Variants in LAMA2 observed in about 807,000 individuals in gnomAD.
LAMA2 encodes the protein laminin subunit alpha-2.
In LAMA2, 269 loss-of-function variants were observed where a neutral mutation model predicts 364.8. That is an observed-to-expected ratio of 0.74 (90% confidence interval 0.67 to 0.82). The LOEUF is 0.82. LAMA2 is among the 40% of genes least tolerant of loss of function. The pLI is 0.00. For missense variants in LAMA2, 3,807 were observed against 3,873.2 expected (o/e 0.98, Z 0.45); for synonymous variants, 1,379 against 1,370.6 (o/e 1.01, Z -0.14).
chr6:128,920,890 C>T (rs1778667105), intron 1 of LAMA2, among the ~76,000 whole-genome samples: 1 of 151,912 alleles, frequency 6.6e-6, no homozygotes, highest in African/African-American at 2.4e-5. Context: ...AAAGAGAGAC[C>T]AGAAAAGGGC....
chr6:128,926,981 T>C (rs904456397), intron 1 of LAMA2, among the ~76,000 whole-genome samples: 2 of 152,210 alleles, frequency 1.3e-5, no homozygotes, highest in African/African-American at 4.8e-5. Flanking sequence ...TCCTCTAAGG[T>C]ATAGTTTTGG....
intron 38 of LAMA2, among the ~76,000 whole-genome samples, chr6:129,401,986 C>T (rs4897311): frequency 0.51 from 76,970 of 151,842 alleles, 19,982 homozygotes; most frequent in African/African-American, 0.62. Flanking sequence ...GGTGGGCAGA[C>T]TGCCTGAGCT....
intron 41 of LAMA2, among the ~76,000 whole-genome samples, chr6:129,437,253 T>A (rs1781877365): frequency 6.6e-6 from 1 of 152,104 alleles, no homozygotes; most frequent in African/African-American, 2.4e-5. Flanking sequence ...TTACTCAACT[T>A]CTCTAAGTCT....
intron 37 of LAMA2, among the ~76,000 whole-genome samples, chr6:129,395,088 G>T (rs1453785452): frequency 6.6e-6 from 1 of 151,616 alleles, no homozygotes; most frequent in Non-Finnish European, 1.5e-5. Context: ...AAGCCAACAG[G>T]TTTCATGGGC....
At chr6:129,499,978 A>C (rs951529661) in intron 58 of LAMA2, among the ~76,000 whole-genome samples, 1 of 151,992 alleles carries the variant, frequency 6.6e-6, no homozygotes, top group African/African-American at 2.4e-5. Flanking sequence ...CTGGTCTCAA[A>C]CTACTAGCCT....
rs1246885517 is a variant in LAMA2 at position 129,355,104 on chromosome 6, GA to G, written c.4717+1754del. ...TAAAAGAATAGCAGTTTTTATTCCAGAAAAAAATATTAAATTATAGGATTGT... is the reference window on the plus strand; with the variant it reads ...TAAAAGAATAGCAGTTTTTATTCCAGAAAAAATATTAAATTATAGGATTGT... On this transcript the variant is annotated intron_variant, in intron 32 of 64. Transcript: ENST00000421865. 2.6e-5 allele frequency among the ~76,000 whole-genome samples: 4 copies of G among 152,006 alleles called. No homozygotes were observed. In the South Asian group the frequency reaches 6.2e-4, roughly 24 times the overall value.
chr6:129,314,599 G>A, intron 23 of LAMA2, 56 bp from the exon 24 acceptor site: 1 of 1,563,548 alleles, frequency 6.4e-7, no homozygotes, highest in Non-Finnish European at 8.8e-7. Context: ...TTCTCAGGGT[G>A]ATTTCTCCCC....
chr6:129,011,964 G>C (rs1194284082), intron 1 of LAMA2, among the ~76,000 whole-genome samples: 1 of 152,076 alleles, frequency 6.6e-6, no homozygotes, highest in African/African-American at 2.4e-5. Flanking sequence ...TAAAGAAAAT[G>C]TATTAAAAGA....
chr6:129,304,784 C>A (rs566780240), intron 22 of LAMA2, among the ~76,000 whole-genome samples: 1 of 152,056 alleles, frequency 6.6e-6, no homozygotes, highest in Non-Finnish European at 1.5e-5. Flanking sequence ...TTCAAGGTAT[C>A]GTTACTGTTA....
chr6:129,190,634 G>A (rs1781471506), intron 11 of LAMA2, among the ~76,000 whole-genome samples: 1 of 152,082 alleles, frequency 6.6e-6, no homozygotes, highest in Admixed American at 6.6e-5. Flanking sequence ...AACTCCAAGG[G>A]TGCATGATTT....
Position 129,287,849 on chromosome 6 carries a change from G to T in LAMA2, c.2540G>T (p.Cys847Phe). ...ACTGATGAAATTTCTTGCCTTAGGTGTGCAGAAGGCTATTTTGGACAACCC... is the reference window on the plus strand; with the variant it reads ...ACTGATGAAATTTCTTGCCTTAGGTTTGCAGAAGGCTATTTTGGACAACCC... ...VGYTGPRCER[C>F]AEGYFGQPSV... is the part of the protein sequence containing the mutation. Residue 847 changes from cysteine (C) to phenylalanine (F), a missense_variant and splice_region_variant, in exon 19 of 65, where the codon TGT (cysteine) becomes TTT (phenylalanine). By Grantham distance (205) the Cys-to-Phe change is radical. Coordinates refer to ENST00000421865, the MANE Select transcript of LAMA2 (RefSeq NM_000426.4). The T allele has an allele frequency of 6.2e-7, 1 of 1,613,608 alleles. No individual in the cohort carries two copies. Among genetic ancestry groups the T allele is most frequent in the African/African-American group, 1.3e-5 (1 of 74,996 alleles).
chr6:129,512,263 C>T, intron 62 of LAMA2, 100 bp from the exon 63 acceptor site: 1 of 1,154,400 alleles, frequency 8.7e-7, no homozygotes, highest in East Asian at 2.5e-5. Flanking sequence ...AATTAGCTAG[C>T]ATTTGAATTG....
chr6:129,207,318 AT>A (rs1782743233), intron 12 of LAMA2, among the ~76,000 whole-genome samples: 1 of 149,982 alleles, frequency 6.7e-6, no homozygotes, highest in Non-Finnish European at 1.5e-5. Flanking sequence ...CTTTTTGTTT[AT>A]TGTTTACAAT....
intron 49 of LAMA2, among the ~76,000 whole-genome samples, chr6:129,462,138 TTTTTAGAAAAGAACAAGTG>T (rs1371855832): frequency 6.6e-6 from 1 of 151,948 alleles, no homozygotes; most frequent in Non-Finnish European, 1.5e-5. Flanking sequence ...AGCCGGAGTG[TTTTTAGAAAAGAACAAGTG>T]TGAATTCACT....
chr6:129,340,887 T>C (rs1776232901), intron 29 of LAMA2, among the ~76,000 whole-genome samples: 2 of 149,744 alleles, frequency 1.3e-5, no homozygotes, highest in Admixed American at 1.3e-4. Flanking sequence ...AAAAGACTTG[T>C]ACCTTGTCAT....
chr6:129,503,987 C>T (rs1402771422), intron 60 of LAMA2, among the ~76,000 whole-genome samples: 1 of 152,192 alleles, frequency 6.6e-6, no homozygotes, highest in Non-Finnish European at 1.5e-5. Flanking sequence ...CTGATTAAAA[C>T]AAAATCTCAA....
At chr6:128,926,222 T>A (rs1779085183) in intron 1 of LAMA2, among the ~76,000 whole-genome samples, 1 of 152,130 alleles carries the variant, frequency 6.6e-6, no homozygotes, top group African/African-American at 2.4e-5. Context: ...TCCACAACTC[T>A]GAGTTTTCTG....
intron 9 of LAMA2, among the ~76,000 whole-genome samples, chr6:129,177,259 G>T (rs1583195116): frequency 6.6e-6 from 1 of 152,168 alleles, no homozygotes; most frequent in African/African-American, 2.4e-5. Context: ...TTGTTAAACT[G>T]TTATTTTAAG....
intron 14 of LAMA2, 71 bp from the exon 15 acceptor site, chr6:129,260,640 G>A: frequency 1.1e-6 from 1 of 920,254 alleles, no homozygotes; most frequent in Non-Finnish European, 1.8e-6. Context: ...CATTGTTGCT[G>A]TACGATTCCT....
Sources: gnomAD v4.1 joint callset for allele counts (sites outside exome capture counted in the v4.1 genomes callset) on GRCh38, gnomAD v4.1.1 for gene constraint, MANE v1.5 for transcripts, NCBI Gene and HGNC (gene_info 2026-07-23, HGNC 2026-07-21) for gene names.